The following DCDC2B variants were observed in gnomAD, a reference collection of about 807,000 sequenced individuals.
The protein encoded by DCDC2B is doublecortin domain containing 2B, also known as doublecortin domain-containing protein 2B.
Under a neutral mutation model 38.9 loss-of-function variants are expected in DCDC2B, and 41 were observed. The observed-to-expected ratio is 1.05, with a 90% CI of 0.82 to 1.37. The LOEUF (loss-of-function observed/expected upper bound fraction) is 1.37. Ranked by LOEUF, DCDC2B falls within the 40% of genes most tolerant of loss-of-function variation. The probability of loss-of-function intolerance (pLI) is 0.00; values close to 1 mark genes in which losing one functional copy is unlikely to be tolerated. For synonymous variants in DCDC2B, 181 were observed against 171.9 expected, an observed-to-expected ratio of 1.05 and a Z score of -0.41; for missense variants, 453 against 427.2, an observed-to-expected ratio of 1.06 and a Z score of -0.53.
At position 32,212,645 on chromosome 1, in the gene DCDC2B, G is replaced by A. The variant is rs371761442; in HGVS notation, c.674+9G>A. ...CTGCCCAGGGGCTGCTGGTATGTAT[G>A]TGGGAGGTGGAGCGGTAACAGGCCG... On this transcript the variant is annotated intron_variant, in intron 5 of 8. Coordinates refer to ENST00000409358, the MANE Select transcript of DCDC2B (RefSeq NM_001099434.2). 2 of 1,613,790 alleles carry A rather than the reference G, an allele frequency of 1.2e-6. No individual in the cohort carries two copies. Among genetic ancestry groups the A allele is most frequent in the Non-Finnish European group, 1.7e-6 (2 of 1,179,702 alleles).
chr1:32,214,705 A>G, intron 6 of DCDC2B, 92 bp from the exon 7 acceptor site: 1 of 1,543,488 alleles, frequency 6.5e-7, no homozygotes, highest in South Asian at 1.2e-5. Flanking sequence ...ATGTTCCTGC[A>G]GGCGTCAGGG....
At chr1:32,210,211 C>T (rs1236655317) in intron 1 of DCDC2B, among the ~76,000 whole-genome samples, 2 of 151,952 alleles carry the variant, frequency 1.3e-5, no homozygotes, top group Non-Finnish European at 2.9e-5. Context: ...TCTGTAATCC[C>T]AGCTGCTCGG....
chr1:32,214,727 C>G (rs1159389862), intron 6 of DCDC2B, 70 bp from the exon 7 acceptor site: 6 of 1,592,826 alleles, frequency 3.8e-6, no homozygotes, highest in Non-Finnish European at 5.1e-6. Context: ...CTCTCTGAAG[C>G]CTGAACTGGG....
At chr1:32,213,335 A>T (rs1643664547) in intron 6 of DCDC2B, among the ~76,000 whole-genome samples, 1 of 149,356 alleles carries the variant, frequency 6.7e-6, no homozygotes, top group Non-Finnish European at 1.5e-5. Context: ...TCCTCTTAAT[A>T]ATTTTTTTTT....
rs1643642668 is a variant in DCDC2B, at chr1:32,212,763, A to G, written c.684A>G (p.Pro228=). 6.2e-7 allele frequency: 1 copy of G among 1,613,794 alleles called. No homozygotes were observed. The highest frequency in any genetic ancestry group is 1.1e-5 in the South Asian group (1 of 91,074). The stretch of plus-strand genomic sequence containing the variant: ...CCTTTTGTCATTGTAGGCAACCTCC[A>G]GGCTCGAAGTCTAGGCCCCACAGGC... ...PSLPRGCWQP[P]GSKSRPHRQG... The change falls in exon 6 of 9, where the codon CCA becomes CCG. Residue 228 remains proline, a synonymous_variant. Coordinates refer to ENST00000409358, the MANE Select transcript of DCDC2B (RefSeq NM_001099434.2).
At chr1:32,215,728 GGGACCTCCT>G (rs1638327407) in intron 8 of DCDC2B, 65 bp from the exon 9 acceptor site, 1 of 1,281,210 alleles carries the variant, frequency 7.8e-7, no homozygotes, top group Admixed American at 2.5e-5. Context: ...CTTGGGGTTG[GGGACCTCCT>G]GGCTGAGAGC....
intron 8 of DCDC2B, 38 bp downstream of exon 8, chr1:32,215,581 G>C: frequency 6.3e-7 from 1 of 1,588,606 alleles, no homozygotes; most frequent in Non-Finnish European, 8.6e-7. Flanking sequence ...GTTGGGGTGG[G>C]AGGAGCTCTG....
At chr1:32,210,313 T>G (rs1194879895) in intron 1 of DCDC2B, among the ~76,000 whole-genome samples, 138 of 95,692 alleles carry the variant, frequency 1.4e-3, no homozygotes, top group Middle Eastern at 7.7e-3. Flanking sequence ...GCAATAAGAG[T>G]GAAACTCCAT....
intron 6 of DCDC2B, among the ~76,000 whole-genome samples, chr1:32,214,169 G>A (rs1643699707): frequency 6.6e-6 from 1 of 151,834 alleles, no homozygotes; most frequent in African/African-American, 2.4e-5. Context: ...AAAATTAGCT[G>A]GGCATGGTGG....
chr1:32,212,445 GCAT>G (rs1557530970), intron 4 of DCDC2B, 42 bp from the exon 5 acceptor site: 1 of 1,605,154 alleles, frequency 6.2e-7, no homozygotes, highest in Non-Finnish European at 8.5e-7. Flanking sequence ...ATGTGAAGAA[GCAT>G]CGAGTCTACC....
At chr1:32,215,673 C>A in intron 8 of DCDC2B, 129 bp from the exon 9 acceptor site, 1 of 1,107,250 alleles carries the variant, frequency 9.0e-7, no homozygotes, top group Non-Finnish European at 1.3e-6. Flanking sequence ...AACTTCCTAC[C>A]TTGTTAAATG....
At position 32,212,202 on chromosome 1, in the gene DCDC2B, G is replaced by A. The variant is rs530628332; in HGVS notation, c.527+1G>A. 1.2e-6 allele frequency: 2 copies of A among 1,612,884 alleles called. No individual in the cohort carries two copies. On this transcript the variant is annotated splice_donor_variant, in intron 4 of 8. Transcript: ENST00000409358. LOFTEE classifies it high-confidence loss of function. ...AGTTGCAGAGTGGGGCTGTGTGCAA[G>A]TGAGTATGGGGACTGCGAGGGCCCA...
chr1:32,209,189 C>A lies in DCDC2B; in HGVS notation c.96C>A (p.Arg32=). ...PGSQLVVTQR[R]FPTMEAFLCE... is the part of the protein sequence containing the mutation. ...CCCAGCTGGTGGTGACTCAACGCCG[C>A]TTCCCCACCATGGAGGCCTTCCTCT... is the stretch of plus-strand genomic sequence containing the variant. Residue 32 remains arginine (R), a synonymous_variant, in exon 1 of 9, where the codon CGC becomes CGA. Coordinates refer to ENST00000409358, the MANE Select transcript of DCDC2B (RefSeq NM_001099434.2). 2 of 1,614,040 alleles carry A rather than the reference C, an allele frequency of 1.2e-6. No homozygotes were observed. The highest frequency in any genetic ancestry group is 1.7e-6 in the Non-Finnish European group (2 of 1,179,886).
chr1:32,211,562 G>A (rs1643585135), intron 2 of DCDC2B, among the ~76,000 whole-genome samples, 199 bp from the exon 3 acceptor site: 1 of 152,250 alleles, frequency 6.6e-6, no homozygotes, highest in Non-Finnish European at 1.5e-5. Flanking sequence ...GTGAAACACA[G>A]ATTGGGGGAG....
At chr1:32,210,079 G>A (rs1295665264) in intron 1 of DCDC2B, among the ~76,000 whole-genome samples, 2 of 151,608 alleles carry the variant, frequency 1.3e-5, no homozygotes, top group Non-Finnish European at 2.9e-5. Context: ...TGTAATCCCG[G>A]CACTTTGGAA....
intron 1 of DCDC2B, 74 bp downstream of exon 1, chr1:32,209,433 T>G: frequency 6.4e-7 from 1 of 1,552,678 alleles, no homozygotes; most frequent in South Asian, 1.2e-5. Flanking sequence ...GTACCTACCA[T>G]GTATGTACCA....
chr1:32,213,593 C>G (rs534923070), intron 6 of DCDC2B, among the ~76,000 whole-genome samples: 1 of 150,758 alleles, frequency 6.6e-6, no homozygotes, highest in African/African-American at 2.4e-5. Flanking sequence ...ACTGCCAGCT[C>G]CGCCTCCCGG....
Position 32,216,001 on chromosome 1 carries a change from C to A in DCDC2B, c.*104C>A. On this transcript the variant is annotated 3_prime_UTR_variant, in exon 9 of 9. Transcript: ENST00000409358. ...CAGGAGCCAGCACCTCCGCTGGGCTCACAGGGTACACTGCGGCCTCCTCAG... is the reference window on the plus strand; with the variant it reads ...CAGGAGCCAGCACCTCCGCTGGGCTAACAGGGTACACTGCGGCCTCCTCAG... The A allele has an allele frequency of 1.0e-6, 1 of 978,256 alleles. No homozygotes were observed. The highest frequency in any genetic ancestry group is 1.4e-5 in the South Asian group (1 of 70,376). 60.6% of individuals were successfully genotyped at this position (978,256 alleles called of 1,614,324 possible).
At chr1:32,211,894 A>C (rs1643601160) in intron 3 of DCDC2B, 57 bp downstream of exon 3, 1 of 1,564,984 alleles carries the variant, frequency 6.4e-7, no homozygotes, top group African/African-American at 1.4e-5. Context: ...AAGGCCAAGA[A>C]AATGGTGTTG....
Sources: gnomAD v4.1 joint callset for allele counts (sites outside exome capture counted in the v4.1 genomes callset) on GRCh38, gnomAD v4.1.1 for gene constraint, MANE v1.5 for transcripts, NCBI Gene and HGNC (gene_info 2026-07-23, HGNC 2026-07-21) for gene names.